CRADD: variants seen among roughly 807,000 people sequenced by gnomAD.
CRADD encodes death domain-containing protein CRADD.
Under a neutral mutation model 15.5 loss-of-function variants are expected in CRADD, and 9 were observed. That is an observed-to-expected ratio of 0.58 (90% confidence interval 0.35 to 1.01). The LOEUF (loss-of-function observed/expected upper bound fraction) is 1.01, where lower values mean the gene tolerates loss of function less well. Ranked by LOEUF, CRADD falls within the 50% of genes least tolerant of loss-of-function variation. The pLI, the probability that CRADD is intolerant of heterozygous loss-of-function variation, is 0.02. For synonymous variants in CRADD, 118 were observed against 107.6 expected (o/e 1.10, Z -0.60); for missense variants, 227 against 250.3 (o/e 0.91, Z 0.63).
chr12:93,844,678 C>A (rs911294259), intron 2 of CRADD, among the ~76,000 whole-genome samples: 3 of 152,172 alleles, frequency 2.0e-5, no homozygotes, highest in African/African-American at 7.2e-5. Context: ...CAGAGTATAG[C>A]AGAAACACAG....
In CRADD at chr12:93,692,636, T is replaced by C. The variant is rs559411433; in HGVS notation, c.298+13564T>C. Among the ~76,000 whole-genome samples, 58 of 152,270 alleles carry C rather than the reference T, an allele frequency of 3.8e-4. 1 individual carries two copies. The South Asian group carries it at 0.012, about 32-fold the overall frequency. On this transcript the variant is annotated intron_variant, in intron 2 of 2. Transcript: ENST00000332896. Reference sequence around the variant, plus strand: ...TGAATAGTGTAGCCGGCAAAACCGTTCTTTAGAAGTGAAGGAGAGAATGAT... The same window carrying C: ...TGAATAGTGTAGCCGGCAAAACCGTCCTTTAGAAGTGAAGGAGAGAATGAT...
chr12:93,725,446 A>T (rs180856374), intron 2 of CRADD, among the ~76,000 whole-genome samples: 236 of 152,182 alleles, frequency 1.6e-3, no homozygotes, highest in African/African-American at 4.8e-3. Context: ...AATTGAACCA[A>T]ATGCCATTAC....
At chr12:93,864,958 A>G (rs1055487899) in intron 2 of CRADD, among the ~76,000 whole-genome samples, 1 of 152,236 alleles carries the variant, frequency 6.6e-6, no homozygotes, top group Admixed American at 6.5e-5. Context: ...AGTGTCAGGC[A>G]CGGAATAAAT....
At chr12:93,782,731 T>G (rs867820913) in intron 2 of CRADD, among the ~76,000 whole-genome samples, 5 of 152,178 alleles carry the variant, frequency 3.3e-5, no homozygotes, top group Non-Finnish European at 5.9e-5. Flanking sequence ...CATACTCTGT[T>G]TATTACATGT....
intron 2 of CRADD, among the ~76,000 whole-genome samples, chr12:93,729,075 G>A (rs192953803): frequency 2.6e-5 from 4 of 152,180 alleles, no homozygotes; most frequent in South Asian, 4.1e-4. Flanking sequence ...AGATTAATAC[G>A]GACACTAAAT....
chr12:93,746,351 G>A (rs200172061), intron 2 of CRADD, among the ~76,000 whole-genome samples: 2 of 152,142 alleles, frequency 1.3e-5, no homozygotes, highest in South Asian at 2.1e-4. Context: ...GCAGTTCACA[G>A]GATTTCTAAT....
chr12:93,833,883 T>C lies in CRADD; in HGVS notation c.299-16087T>C, dbSNP rs534371759. On this transcript the variant is annotated intron_variant, in intron 2 of 2. Transcript: ENST00000332896. The stretch of plus-strand genomic sequence containing the variant: ...GTTGCTGTTCACCCAGTTTTCTTCC[T>C]CTTCTGGGATATAGGAGAATCATAT... Among the ~76,000 whole-genome samples, 3 of 152,270 alleles carry C rather than the reference T, an allele frequency of 2.0e-5. No homozygotes were observed. The South Asian group carries it at 6.2e-4, about 32-fold the overall frequency.
chr12:93,891,610 A>AG (rs1958576597), intron 2 of CRADD, among the ~76,000 whole-genome samples: 1 of 152,226 alleles, frequency 6.6e-6, no homozygotes, highest in South Asian at 2.1e-4. Flanking sequence ...GTGTGATGGA[A>AG]GGGGTTAACA....
chr12:93,687,094 T>G (rs1377212687), intron 2 of CRADD, among the ~76,000 whole-genome samples: 1 of 152,214 alleles, frequency 6.6e-6, no homozygotes, highest in African/African-American at 2.4e-5. Context: ...TCTGCAAGGC[T>G]GACATAAAGG....
At chr12:93,891,835 T>C (rs760447909) in intron 2 of CRADD, among the ~76,000 whole-genome samples, 22 of 152,210 alleles carry the variant, frequency 1.4e-4, no homozygotes, top group Non-Finnish European at 3.2e-4. Flanking sequence ...GCCTGTCCCT[T>C]ACTCCCCCCG....
At chr12:93,741,077 T>G (rs1457621971) in intron 2 of CRADD, among the ~76,000 whole-genome samples, 1 of 152,242 alleles carries the variant, frequency 6.6e-6, no homozygotes, top group Non-Finnish European at 1.5e-5. Flanking sequence ...TTGCCCTTTA[T>G]TTTTTCGTAC....
intron 2 of CRADD, among the ~76,000 whole-genome samples, chr12:93,692,373 G>A (rs888280919): frequency 2.6e-5 from 4 of 152,138 alleles, no homozygotes; most frequent in African/African-American, 9.7e-5. Flanking sequence ...GTACAGGAAG[G>A]TCAAAGTCTC....
chr12:93,713,192 G>C (rs373096907), intron 2 of CRADD, among the ~76,000 whole-genome samples: 2 of 152,110 alleles, frequency 1.3e-5, no homozygotes, highest in Non-Finnish European at 2.9e-5. Flanking sequence ...AAAGAGGTCT[G>C]TGCGGTACTC....
At chr12:93,738,858 G>A (rs989884961) in intron 2 of CRADD, among the ~76,000 whole-genome samples, 1 of 152,040 alleles carries the variant, frequency 6.6e-6, no homozygotes, top group Non-Finnish European at 1.5e-5. Context: ...AGAGAGAAAC[G>A]AGGAAAGGAA....
intron 2 of CRADD, among the ~76,000 whole-genome samples, chr12:93,716,879 T>C (rs1398062010): frequency 4.6e-5 from 7 of 152,206 alleles, no homozygotes; most frequent in African/African-American, 1.7e-4. Context: ...TTTCAGTTCA[T>C]TTAGGTAAAT....
chr12:93,881,371 A>G (rs1958499377), intron 2 of CRADD, among the ~76,000 whole-genome samples: 2 of 143,236 alleles, frequency 1.4e-5, no homozygotes, highest in Admixed American at 7.5e-5. Flanking sequence ...TGTGGCTAAT[A>G]GATATGTCAC....
chr12:93,847,058 A>G (rs1238993688), intron 2 of CRADD, among the ~76,000 whole-genome samples: 1 of 152,174 alleles, frequency 6.6e-6, no homozygotes, highest in Non-Finnish European at 1.5e-5. Flanking sequence ...AGCTGAGATC[A>G]CGCCACTGCA....
At chr12:93,787,780 C>T (rs1215510921) in intron 2 of CRADD, among the ~76,000 whole-genome samples, 1 of 152,098 alleles carries the variant, frequency 6.6e-6, no homozygotes, top group Non-Finnish European at 1.5e-5. Flanking sequence ...TGTAGTGTGG[C>T]CTATTGACCT....
chr12:93,857,367 C>T (rs144113145), intron 2 of CRADD, among the ~76,000 whole-genome samples: 60 of 152,322 alleles, frequency 3.9e-4, no homozygotes, highest in African/African-American at 1.4e-3. Context: ...TTTGTGAGGA[C>T]TTGGCCAATA....
Sources: gnomAD v4.1 joint callset for allele counts (sites outside exome capture counted in the v4.1 genomes callset) on GRCh38, gnomAD v4.1.1 for gene constraint, MANE v1.5 for transcripts, NCBI Gene and HGNC (gene_info 2026-07-23, HGNC 2026-07-21) for gene names.